Variants in KCNMA1 observed in about 807,000 individuals in gnomAD.
KCNMA1 encodes the protein potassium calcium-activated channel subfamily M alpha 1.
In KCNMA1, 29 loss-of-function variants were observed where a neutral mutation model predicts 140.0. The observed-to-expected ratio is 0.21, with a 90% confidence interval of 0.15 to 0.28. The LOEUF (loss-of-function observed/expected upper bound fraction) is 0.28, where lower values mean the gene tolerates loss of function less well. Among genes scored for constraint, KCNMA1 ranks in the 10% least tolerant of loss-of-function variants. The probability of loss-of-function intolerance (pLI) is 1.00; values close to 1 mark genes in which losing one functional copy is unlikely to be tolerated. For missense variants in KCNMA1, 880 were observed against 1,602.2 expected, an observed-to-expected ratio of 0.55 and a Z score of 7.70; for synonymous variants, 612 against 611.9, an observed-to-expected ratio of 1.00 and a Z score of 0.00.
chr10:77,315,300 C>G (rs1283598728), intron 2 of KCNMA1, among the ~76,000 whole-genome samples: 1 of 152,214 alleles, frequency 6.6e-6, no homozygotes, highest in African/African-American at 2.4e-5. Flanking sequence ...GTCACAGTTT[C>G]CTGCCTGTCT....
intron 2 of KCNMA1, among the ~76,000 whole-genome samples, chr10:77,274,224 C>T (rs2065983777): frequency 6.6e-6 from 1 of 152,126 alleles, no homozygotes; most frequent in South Asian, 2.1e-4. Context: ...GAATCACACA[C>T]TATTTATAGG....
chr10:77,242,899 TACACACAC>T (rs199668848), intron 3 of KCNMA1, among the ~76,000 whole-genome samples: 9 of 111,574 alleles, frequency 8.1e-5, no homozygotes, highest in Non-Finnish European at 1.3e-4. Context: ...AATTGTTTCC[TACACACAC>T]ACACACACAC....
chr10:77,340,577 C>A (rs2090578156), intron 2 of KCNMA1, among the ~76,000 whole-genome samples: 1 of 152,080 alleles, frequency 6.6e-6, no homozygotes, highest in Non-Finnish European at 1.5e-5. Flanking sequence ...ATGGATGAAG[C>A]TGGAAACCGT....
At chr10:77,428,181 T>C (rs2097067407) in intron 1 of KCNMA1, among the ~76,000 whole-genome samples, 1 of 152,140 alleles carries the variant, frequency 6.6e-6, no homozygotes, top group Non-Finnish European at 1.5e-5. Flanking sequence ...TGCCCCTCTC[T>C]ACAGGTGGGA....
intron 1 of KCNMA1, among the ~76,000 whole-genome samples, chr10:77,571,814 T>C (rs950735537): frequency 2.0e-5 from 3 of 152,222 alleles, no homozygotes; most frequent in African/African-American, 7.2e-5. Context: ...TCTGTGCTTT[T>C]TCCCGTACCT....
chr10:76,888,673 T>C (rs1331067681), intron 27 of KCNMA1, among the ~76,000 whole-genome samples: 1 of 152,214 alleles, frequency 6.6e-6, no homozygotes. Flanking sequence ...GGTGATAATA[T>C]ATAATTGTCT....
At chr10:77,110,023 C>T in intron 8 of KCNMA1, 150 bp downstream of exon 8, 1 of 735,456 alleles carries the variant, frequency 1.4e-6, no homozygotes, top group Admixed American at 2.1e-5. Context: ...GAAAAGTCAC[C>T]ATCGTGTTTG....
intron 13 of KCNMA1, among the ~76,000 whole-genome samples, chr10:77,077,045 GA>G (rs967145604): frequency 1.3e-5 from 2 of 151,568 alleles, no homozygotes; most frequent in African/African-American, 4.9e-5. Context: ...AAGAAAGGCA[GA>G]AAAAAAATGT....
At chr10:77,137,714 T>C (rs1225260369) in intron 5 of KCNMA1, among the ~76,000 whole-genome samples, 1 of 152,192 alleles carries the variant, frequency 6.6e-6, no homozygotes, top group African/African-American at 2.4e-5. Context: ...CTATAAACAG[T>C]TCTTGCTTGT....
chr10:76,956,194 T>C (rs1366822380), intron 20 of KCNMA1, among the ~76,000 whole-genome samples: 2 of 152,152 alleles, frequency 1.3e-5, no homozygotes, highest in Admixed American at 6.5e-5. Context: ...ACAACTTTCA[T>C]CCAGAAAAGC....
At chr10:77,389,759 C>A (rs1187535200) in intron 2 of KCNMA1, among the ~76,000 whole-genome samples, 1 of 152,168 alleles carries the variant, frequency 6.6e-6, no homozygotes, top group Non-Finnish European at 1.5e-5. Context: ...GTGCCTCAGG[C>A]CCATCTACAT....
chr10:77,078,478 C>G (rs561045652), intron 13 of KCNMA1, among the ~76,000 whole-genome samples: 50 of 152,218 alleles, frequency 3.3e-4, no homozygotes, highest in African/African-American at 1.2e-3. Flanking sequence ...CTAATCAATC[C>G]CCCACTGTAA....
chr10:77,583,802 C>A (rs1245334995), intron 1 of KCNMA1, among the ~76,000 whole-genome samples: 1 of 152,152 alleles, frequency 6.6e-6, no homozygotes, highest in Admixed American at 6.5e-5. Flanking sequence ...ACAGGAGAGG[C>A]CAACACACCC....
intron 3 of KCNMA1, 81 bp from the exon 4 acceptor site, chr10:77,184,997 G>C (rs1006451534): frequency 2.4e-6 from 2 of 839,932 alleles, no homozygotes; most frequent in African/African-American, 3.3e-5. Context: ...AGAAGTGGTA[G>C]TGCTTAGGGT....
chr10:77,065,146 T>G (rs2095881119), intron 14 of KCNMA1, among the ~76,000 whole-genome samples: 1 of 152,208 alleles, frequency 6.6e-6, no homozygotes, highest in Non-Finnish European at 1.5e-5. Flanking sequence ...GAGTAGCTAT[T>G]ATGAGTCAGG....
At chr10:77,503,686 G>A (rs576837746) in intron 1 of KCNMA1, among the ~76,000 whole-genome samples, 4 of 152,244 alleles carry the variant, frequency 2.6e-5, no homozygotes, top group African/African-American at 9.6e-5. Context: ...TGTTCCAGCA[G>A]GTAGAGACAG....
intron 1 of KCNMA1, among the ~76,000 whole-genome samples, chr10:77,562,241 C>T (rs897075381): frequency 1.3e-5 from 2 of 152,232 alleles, no homozygotes; most frequent in African/African-American, 4.8e-5. Context: ...AGAGGCTCAG[C>T]TGCTCAAAGT....
intron 18 of KCNMA1, among the ~76,000 whole-genome samples, 178 bp downstream of exon 18, chr10:77,011,789 C>T (rs762281991): frequency 3.3e-5 from 5 of 152,268 alleles, no homozygotes; most frequent in Middle Eastern, 6.8e-3. Flanking sequence ...TCATCCTCTG[C>T]TCTAACAAAG....
At chr10:77,023,016 A>G (rs1214185857) in intron 16 of KCNMA1, 2 of 446,640 alleles carry the variant, frequency 4.5e-6, no homozygotes, top group African/African-American at 4.0e-5. Flanking sequence ...CATAAAACAC[A>G]TCTACGTGCA....
Sources: allele counts gnomAD v4.1 joint callset (sites outside exome capture counted in the v4.1 genomes callset), GRCh38; gene constraint gnomAD v4.1.1; transcripts MANE v1.5; gene names NCBI Gene and HGNC (gene_info 2026-07-23, HGNC 2026-07-21).